Variants in HMCN1 observed in about 807,000 individuals in gnomAD.
The protein encoded by HMCN1 is hemicentin 1.
HMCN1 carries 321 observed loss-of-function variants against 625.9 expected under a neutral mutation model. The observed-to-expected ratio is 0.51, with a 90% CI of 0.47 to 0.56. The LOEUF is 0.56. Among genes scored for constraint, HMCN1 ranks in the 20% least tolerant of loss-of-function variants. HMCN1 has a pLI of 0.00. For missense variants in HMCN1, 6,588 were observed against 6,887.3 expected (o/e 0.96, Z 1.54); for synonymous variants, 2,425 against 2,417.6 (o/e 1.00, Z -0.09).
intron 1 of HMCN1, among the ~76,000 whole-genome samples, chr1:185,821,905 CT>C: frequency 1.4e-5 from 2 of 147,300 alleles, no homozygotes; most frequent in East Asian, 2.0e-4. Flanking sequence ...AAAAAAAAAG[CT>C]TTACAACAAT....
At chr1:186,042,892 G>T (rs546453575) in intron 40 of HMCN1, among the ~76,000 whole-genome samples, 2 of 152,036 alleles carry the variant, frequency 1.3e-5, no homozygotes, top group Non-Finnish European at 2.9e-5. Context: ...TGTGGGGTAC[G>T]CTGTTGGGGG....
intron 36 of HMCN1, among the ~76,000 whole-genome samples, chr1:186,027,043 T>C (rs995733701): frequency 4.6e-5 from 7 of 152,236 alleles, no homozygotes; most frequent in African/African-American, 1.7e-4. Flanking sequence ...ATTCAGTGTT[T>C]CAATTGTTTA....
chr1:186,009,535 A>G (rs773338280), intron 30 of HMCN1, among the ~76,000 whole-genome samples: 2 of 152,188 alleles, frequency 1.3e-5, no homozygotes, highest in Non-Finnish European at 2.9e-5. Flanking sequence ...TGAAGAATAC[A>G]TATGTAGATT....
Position 185,989,194 on chromosome 1 carries a change from G to A in HMCN1, c.3049-294G>A, listed in dbSNP as rs113078345. Among the ~76,000 whole-genome samples, 120 of 151,498 alleles carry A rather than the reference G, an allele frequency of 7.9e-4. 1 individual carries two copies. In the Middle Eastern group the frequency reaches 0.01, roughly 13 times the overall value. ...GGCTAATTTTTTGTGTTTTTAGTAG[G>A]GACGGGGTTTCACCGTGGTCTCGAT... On this transcript the variant is annotated intron_variant, in intron 20 of 106. Transcript: ENST00000271588.
At chr1:186,179,879 A>T (rs1652836679) in intron 104 of HMCN1, among the ~76,000 whole-genome samples, 1 of 152,036 alleles carries the variant, frequency 6.6e-6, no homozygotes, top group South Asian at 2.1e-4. Context: ...ATCTCCACTC[A>T]GTTGGGCCCT....
chr1:186,125,866 G>C, intron 82 of HMCN1, 72 bp downstream of exon 82: 1 of 1,132,710 alleles, frequency 8.8e-7, no homozygotes, highest in Non-Finnish European at 1.3e-6. Context: ...TAGTAATTTA[G>C]CATGGAAGTA....
At chr1:185,992,344 A>G (rs1226397356) in intron 22 of HMCN1, among the ~76,000 whole-genome samples, 1 of 152,164 alleles carries the variant, frequency 6.6e-6, no homozygotes, top group Non-Finnish European at 1.5e-5. Context: ...AATTATAAAC[A>G]TAACCTTCAA....
At chr1:186,083,947 GAATT>G (rs1190326521) in intron 57 of HMCN1, among the ~76,000 whole-genome samples, 1 of 152,174 alleles carries the variant, frequency 6.6e-6, no homozygotes, top group Non-Finnish European at 1.5e-5. Context: ...CAGGAAGAAT[GAATT>G]AATTAAACAA....
At chr1:185,909,582 T>A in intron 5 of HMCN1, 74 bp downstream of exon 5, 2 of 1,326,358 alleles carry the variant, frequency 1.5e-6, no homozygotes, top group Non-Finnish European at 1.1e-6. Flanking sequence ...ACACTTGTTT[T>A]TGTCAAGTTA....
intron 30 of HMCN1, among the ~76,000 whole-genome samples, chr1:186,008,488 T>A (rs893723320): frequency 7.2e-5 from 11 of 152,212 alleles, no homozygotes; most frequent in African/African-American, 2.4e-4. Context: ...TCTTTCCATA[T>A]TTTTTAATGT....
chr1:186,108,704 C>G, intron 71 of HMCN1, 107 bp downstream of exon 71: 1 of 1,259,652 alleles, frequency 7.9e-7, no homozygotes, highest in Non-Finnish European at 1.1e-6. Flanking sequence ...CATCAGGCTA[C>G]TAATTATTCA....
chr1:186,108,756 T>G (rs1009025684), intron 71 of HMCN1, among the ~76,000 whole-genome samples, 159 bp downstream of exon 71: 3 of 152,276 alleles, frequency 2.0e-5, no homozygotes, highest in African/African-American at 7.2e-5. Context: ...TTAGCTTTAT[T>G]ATTTGCTTTA....
chr1:186,029,547 T>TC (rs1471491076), intron 36 of HMCN1, among the ~76,000 whole-genome samples: 1 of 151,786 alleles, frequency 6.6e-6, no homozygotes, highest in Non-Finnish European at 1.5e-5. Flanking sequence ...AAGTTTTTTT[T>TC]TTTTATTTCT....
At chr1:186,124,285 A>G (rs1468523802) in intron 81 of HMCN1, among the ~76,000 whole-genome samples, 2 of 152,116 alleles carry the variant, frequency 1.3e-5, no homozygotes, top group African/African-American at 2.4e-5. Context: ...GCCAAAAAGT[A>G]GGTCAAAGAG....
rs3057352 is a variant in HMCN1, at chr1:185,987,858, C to CA, written c.3048+327dup. ...TGGGGCTTTGGATAAAGCCCTGGTC[C>CA]AAAAAAAAAAAAACAAAAAACTTAA... On this transcript the variant is annotated intron_variant, in intron 20 of 106. Coordinates refer to ENST00000271588, the MANE Select transcript of HMCN1 (RefSeq NM_031935.3). Among the ~76,000 whole-genome samples the CA allele has an allele frequency of 6.8e-3, 809 of 119,220 alleles. 4 individuals are homozygous for CA. The highest frequency in any genetic ancestry group is 0.016 in the South Asian group (60 of 3,662). 78.2% of individuals were successfully genotyped at this position (119,220 alleles called of 152,430 possible).
chr1:185,956,014 C>T (rs377160802), intron 11 of HMCN1, among the ~76,000 whole-genome samples: 20 of 152,158 alleles, frequency 1.3e-4, no homozygotes, highest in African/African-American at 4.8e-4. Flanking sequence ...TCTCTTTGTT[C>T]GGTTATCCTC....
chr1:185,752,085 T>G (rs749821682), intron 1 of HMCN1, among the ~76,000 whole-genome samples: 5 of 152,132 alleles, frequency 3.3e-5, no homozygotes, highest in Non-Finnish European at 5.9e-5. Flanking sequence ...GCATTTGCTT[T>G]TTTTGGGATT....
At chr1:185,930,615 C>G (rs1444022699) in intron 10 of HMCN1, among the ~76,000 whole-genome samples, 1 of 152,068 alleles carries the variant, frequency 6.6e-6, no homozygotes, top group Non-Finnish European at 1.5e-5. Flanking sequence ...CAAGTTCTAC[C>G]AATATGTCGC....
intron 1 of HMCN1, among the ~76,000 whole-genome samples, chr1:185,807,733 T>G (rs1475553510): frequency 6.6e-6 from 1 of 152,200 alleles, no homozygotes; most frequent in Non-Finnish European, 1.5e-5. Context: ...TTTATGAATT[T>G]TATGTTTTTA....
Sources: allele counts gnomAD v4.1 joint callset (sites outside exome capture counted in the v4.1 genomes callset), GRCh38; gene constraint gnomAD v4.1.1; transcripts MANE v1.5; gene names NCBI Gene and HGNC (gene_info 2026-07-23, HGNC 2026-07-21).